The following ESRRB variants were observed in gnomAD, a reference collection of about 807,000 sequenced individuals.
ESRRB encodes the protein steroid hormone receptor ERR2.
In ESRRB, 16 loss-of-function variants were observed where a neutral mutation model predicts 46.0. The ratio of observed to expected loss-of-function variants is 0.35; its 90% confidence interval spans 0.24 to 0.53. ESRRB has a LOEUF of 0.53. Among genes scored for constraint, ESRRB ranks in the 20% least tolerant of loss-of-function variants. ESRRB has a pLI of 0.93. For missense variants in ESRRB, 488 were observed against 607.4 expected, an observed-to-expected ratio of 0.80 and a Z score of 2.07; for synonymous variants, 246 against 259.6, an observed-to-expected ratio of 0.95 and a Z score of 0.50.
intron 1 of ESRRB, among the ~76,000 whole-genome samples, chr14:76,345,032 G>T (rs1046373685): frequency 3.3e-5 from 5 of 152,128 alleles, no homozygotes; most frequent in African/African-American, 1.2e-4. Flanking sequence ...CTATAAACAT[G>T]AATGTGCAAG....
chr14:76,358,119 C>G (rs1198384583), intron 1 of ESRRB, among the ~76,000 whole-genome samples: 1 of 151,700 alleles, frequency 6.6e-6, no homozygotes, highest in African/African-American at 2.4e-5. Context: ...CGAGACCAGC[C>G]TGGCCAACAT....
intron 1 of ESRRB, among the ~76,000 whole-genome samples, chr14:76,435,361 T>C (rs1163384541): frequency 1.3e-5 from 2 of 152,270 alleles, no homozygotes; most frequent in African/African-American, 4.8e-5. Context: ...TCTGGCACTC[T>C]GTGCACTTGT....
intron 2 of ESRRB, among the ~76,000 whole-genome samples, chr14:76,458,194 AGCTGCACGTGTGTGT>A (rs1197888284): frequency 2.0e-5 from 3 of 152,036 alleles, no homozygotes; most frequent in Non-Finnish European, 4.4e-5. Context: ...GCCACACCTC[AGCTGCACGTGTGTGT>A]GCTGCCAATG....
intron 1 of ESRRB, among the ~76,000 whole-genome samples, chr14:76,339,883 A>G (rs1423368173): frequency 6.6e-6 from 1 of 152,184 alleles, no homozygotes; most frequent in Non-Finnish European, 1.5e-5. Context: ...GGTGCTTTAT[A>G]TCTCTCTCCC....
chr14:76,310,981 TCTCTCTCTC>T (rs1312899052), intron 1 of ESRRB: 14 of 121,176 alleles, frequency 1.2e-4, no homozygotes, highest in Non-Finnish European at 1.7e-4. Context: ...GTCCCCTTTC[TCTCTCTCTC>T]TCTCTCTCTC....
Position 76,491,481 on chromosome 14 carries a change from C to T in ESRRB, c.885C>T (p.Ser295=), listed in dbSNP as rs765391919. The T allele has an allele frequency of 3.1e-6, 5 of 1,607,000 alleles. No individual in the cohort carries two copies. Among genetic ancestry groups the T allele is most frequent in the Non-Finnish European group, 4.2e-6 (5 of 1,177,212 alleles). ...GCCTCTCCCTGGGGGACCAGATGAG[C>T]CTGCTGCAGAGTGCCTGGATGGAAA... is the stretch of plus-strand genomic sequence containing the variant. ...FSSLSLGDQM[S]LLQSAWMEIL... Residue 295 remains serine, a synonymous_variant, in exon 6 of 7, where the codon AGC becomes AGT. Coordinates refer to ENST00000644823, the MANE Select transcript of ESRRB (RefSeq NM_001379180.1).
intron 3 of ESRRB, among the ~76,000 whole-genome samples, chr14:76,463,932 G>A (rs921890317): frequency 4.6e-5 from 7 of 151,772 alleles, no homozygotes; most frequent in Admixed American, 1.3e-4. Flanking sequence ...CCAACTCCTG[G>A]GCTCAGGCAG....
intron 1 of ESRRB, among the ~76,000 whole-genome samples, chr14:76,377,886 G>C (rs973035578): frequency 6.6e-6 from 1 of 152,230 alleles, no homozygotes; most frequent in African/African-American, 2.4e-5. Flanking sequence ...CCCTGGGGCA[G>C]AGGGCCTTTT....
At chr14:76,453,630 C>T (rs560003914) in intron 2 of ESRRB, among the ~76,000 whole-genome samples, 22 of 145,574 alleles carry the variant, frequency 1.5e-4, no homozygotes, top group Non-Finnish European at 2.5e-4. Context: ...CTGGGTCTCG[C>T]TCTGTCACCC....
chr14:76,414,569 T>G (rs1050374405), intron 1 of ESRRB, among the ~76,000 whole-genome samples: 1 of 150,280 alleles, frequency 6.7e-6, no homozygotes, highest in Non-Finnish European at 1.5e-5. Flanking sequence ...TCTAGTGACC[T>G]GTCTCAGATC....
At position 76,499,844 on chromosome 14, in the gene ESRRB, C is replaced by T. The variant is rs747338045; in HGVS notation, c.*1386C>T. Reference sequence around the variant, plus strand: ...CACTAACTCAAGGGGCAGCCCTGAACACCCATTTGTGCTCACAGGTTGGCC... The same window carrying T: ...CACTAACTCAAGGGGCAGCCCTGAATACCCATTTGTGCTCACAGGTTGGCC... On this transcript the variant is annotated 3_prime_UTR_variant, in exon 7 of 7. Coordinates refer to ENST00000644823, the MANE Select transcript of ESRRB (RefSeq NM_001379180.1). 76 of 1,608,340 alleles carry T rather than the reference C, an allele frequency of 4.7e-5. No homozygotes were observed. The highest frequency in any genetic ancestry group is 6.4e-5 in the Non-Finnish European group (75 of 1,174,804).
At chr14:76,484,896 G>A (rs1050941021) in intron 5 of ESRRB, among the ~76,000 whole-genome samples, 1 of 152,224 alleles carries the variant, frequency 6.6e-6, no homozygotes, top group Non-Finnish European at 1.5e-5. Flanking sequence ...GCCCCTTCAC[G>A]GGATTGCTGT....
chr14:76,447,060 C>T (rs1031424436), intron 2 of ESRRB, among the ~76,000 whole-genome samples: 3 of 152,154 alleles, frequency 2.0e-5, no homozygotes, highest in East Asian at 1.9e-4. Flanking sequence ...CTTCCATGTT[C>T]GCAGCTGCTT....
intron 1 of ESRRB, among the ~76,000 whole-genome samples, chr14:76,424,938 T>G (rs899053249): frequency 1.3e-5 from 2 of 152,144 alleles, no homozygotes; most frequent in Non-Finnish European, 2.9e-5. Context: ...GGTTTCACCA[T>G]CTTGGCCAGG....
intron 1 of ESRRB, among the ~76,000 whole-genome samples, chr14:76,423,875 G>T (rs888415281): frequency 6.6e-5 from 10 of 152,088 alleles, no homozygotes; most frequent in African/African-American, 1.4e-4. Context: ...AGTGTGGCTG[G>T]GATGGAGTGA....
In ESRRB at chr14:76,427,402, C is replaced by G. The variant is rs1887251751; in HGVS notation, c.51-11939C>G. On this transcript the variant is annotated intron_variant, in intron 1 of 6. Coordinates refer to ENST00000644823, the MANE Select transcript of ESRRB (RefSeq NM_001379180.1). ...ACATGCATGTGCACAGAAAGACAGGCAATGTATGTTGGGGTCAGACGTCCT... is the reference window on the plus strand; with the variant it reads ...ACATGCATGTGCACAGAAAGACAGGGAATGTATGTTGGGGTCAGACGTCCT... Among the ~76,000 whole-genome samples, 3 of 151,926 alleles carry G rather than the reference C, an allele frequency of 2.0e-5. No individual in the cohort carries two copies. The South Asian group carries it at 6.2e-4, about 32-fold the overall frequency.
chr14:76,497,309 C>A (rs1290676708), intron 6 of ESRRB, among the ~76,000 whole-genome samples: 2 of 152,060 alleles, frequency 1.3e-5, no homozygotes, highest in Non-Finnish European at 2.9e-5. Context: ...AGCCTGAGTC[C>A]CCACAGGAAT....
At position 76,482,061 on chromosome 14, in the gene ESRRB, G is replaced by C; in HGVS notation, c.623G>C (p.Arg208Pro). 6.2e-7 allele frequency: 1 copy of C among 1,614,208 alleles called. No individual in the cohort carries two copies. Among genetic ancestry groups the C allele is most frequent in the Non-Finnish European group, 8.5e-7 (1 of 1,180,036 alleles). Residue 208 changes from arginine (R) to proline (P), a missense_variant, in exon 4 of 7, where the codon CGA (arginine) becomes CCA (proline). Arg to Pro is a moderately radical substitution (Grantham distance 103, BLOSUM62 -2). Transcript: ENST00000644823. This position sits in a 1 kb window ranked among gnomAD's most constrained non-coding sequence, Gnocchi z 4.3. ...RVRGGRQKYK[R>P]RLDSESSPYL... The stretch of plus-strand genomic sequence containing the variant: ...CGTGGAGGCCGTCAGAAATACAAGC[G>C]ACGGCTGGACTCAGAGAGCAGCCCA...
intron 2 of ESRRB, among the ~76,000 whole-genome samples, chr14:76,448,881 T>G (rs1888264858): frequency 6.7e-6 from 1 of 150,220 alleles, no homozygotes; most frequent in Non-Finnish European, 1.5e-5. Context: ...TTAAATTACC[T>G]TATGGAAAAC....
Sources: allele counts gnomAD v4.1 joint callset (sites outside exome capture counted in the v4.1 genomes callset), GRCh38; gene constraint gnomAD v4.1.1; non-coding constraint Gnocchi (gnomAD v3.1); transcripts MANE v1.5; gene names NCBI Gene and HGNC (gene_info 2026-07-23, HGNC 2026-07-21).